Variants in SULF1 observed in about 807,000 individuals in gnomAD.
SULF1 encodes the protein extracellular sulfatase Sulf-1.
A neutral mutation model predicts 110.5 loss-of-function variants in SULF1; 46 were observed. The ratio of observed to expected loss-of-function variants is 0.42; its 90% CI spans 0.33 to 0.53. SULF1 has a LOEUF of 0.53. Among genes scored for constraint, SULF1 ranks in the 20% least tolerant of loss-of-function variants. The pLI is 0.12. For missense variants in SULF1, 941 were observed against 1,094.2 expected, an observed-to-expected ratio of 0.86 and a Z score of 1.98; for synonymous variants, 371 against 387.1, an observed-to-expected ratio of 0.96 and a Z score of 0.49.
At chr8:69,558,791 A>ATTTTATCC (rs1815284983) in intron 3 of SULF1, among the ~76,000 whole-genome samples, 1 of 152,286 alleles carries the variant, frequency 6.6e-6, no homozygotes, top group South Asian at 2.1e-4. Context: ...AAATTTATTG[A>ATTTTATCC]AGACCCTTGC....
In SULF1 at chr8:69,576,130, C is replaced by A; in HGVS notation, c.333C>A (p.Asn111Lys). 1 of 1,614,220 alleles carries A rather than the reference C, an allele frequency of 6.2e-7. No homozygotes were observed. The highest frequency in any genetic ancestry group is 8.5e-7 in the Non-Finnish European group (1 of 1,180,036). The change falls in exon 6 of 23, where the codon AAC (asparagine) becomes AAA (lysine). Residue 111 changes from asparagine (N) to lysine (K), a missense_variant. By Grantham distance (94) the Asn-to-Lys change is moderately conservative. Transcript: ENST00000402687. ...ACAATGTCTACACCAACAACGAGAA[C>A]TGCTCTTCCCCCTCGTGGCAGGCCA... ...HNHNVYTNNE[N>K]CSSPSWQAMH...
At chr8:69,576,287 G>A (rs1487748981) in intron 6 of SULF1, 78 bp downstream of exon 6, 8 of 1,487,316 alleles carry the variant, frequency 5.4e-6, no homozygotes, top group Non-Finnish European at 5.5e-6. Context: ...GTAATGAAAT[G>A]CATGAAGTTC....
At chr8:69,475,491 A>C (rs534298107) in intron 1 of SULF1, among the ~76,000 whole-genome samples, 38 of 152,212 alleles carry the variant, frequency 2.5e-4, no homozygotes, top group African/African-American at 9.1e-4. Flanking sequence ...ATGGTGAAGA[A>C]ATAAATAACA....
chr8:69,656,557 G>C (rs1812749590), intron 22 of SULF1, among the ~76,000 whole-genome samples: 1 of 152,194 alleles, frequency 6.6e-6, no homozygotes, highest in Non-Finnish European at 1.5e-5. Context: ...CCACTTGTAA[G>C]TGAGAACATG....
chr8:69,587,109 C>A (rs1251056684), intron 7 of SULF1, among the ~76,000 whole-genome samples: 3 of 152,162 alleles, frequency 2.0e-5, no homozygotes, highest in African/African-American at 4.8e-5. Flanking sequence ...TCCCATAGTT[C>A]TTTGACCAGT....
chr8:69,484,866 TTCC>T (rs1364749982), intron 1 of SULF1, among the ~76,000 whole-genome samples: 2 of 115,492 alleles, frequency 1.7e-5, no homozygotes, highest in African/African-American at 3.6e-5. Context: ...TCTTCTTTTC[TTCC>T]TCCTCCTCCT....
At position 69,541,677 on chromosome 8, in the gene SULF1, C is replaced by T. The variant is rs564631637; in HGVS notation, c.-133-21862C>T. 5.4e-4 allele frequency among the ~76,000 whole-genome samples: 82 copies of T among 152,296 alleles called. No individual in the cohort carries two copies. The South Asian group carries it at 9.1e-3, about 17-fold the overall frequency. Reference sequence around the variant, plus strand: ...CACAGAAACACAGAACCCTAAAATGCTCACAGGTAGAAAAGCTCAGGAAGA... The same window carrying T: ...CACAGAAACACAGAACCCTAAAATGTTCACAGGTAGAAAAGCTCAGGAAGA... On this transcript the variant is annotated intron_variant, in intron 3 of 22. Transcript: ENST00000402687.
intron 1 of SULF1, among the ~76,000 whole-genome samples, chr8:69,471,998 T>TGAGAGAGAGA (rs3059922): frequency 6.0e-5 from 9 of 149,278 alleles, no homozygotes; most frequent in African/African-American, 1.7e-4. Context: ...GGAGAGAAAG[T>TGAGAGAGAGA]GAGAGAGAGA....
intron 5 of SULF1, among the ~76,000 whole-genome samples, chr8:69,569,478 C>G (rs538900983): frequency 7.9e-5 from 12 of 152,316 alleles, no homozygotes; most frequent in African/African-American, 2.9e-4. Flanking sequence ...CAGCTGCTCT[C>G]GGACACTGGG....
intron 3 of SULF1, among the ~76,000 whole-genome samples, chr8:69,558,581 C>T (rs147833708): frequency 6.6e-6 from 1 of 152,290 alleles, no homozygotes; most frequent in East Asian, 1.9e-4. Context: ...CACTCATCAA[C>T]AACTTTTATC....
At chr8:69,649,243 C>G (rs1012231011) in intron 22 of SULF1, among the ~76,000 whole-genome samples, 1 of 152,160 alleles carries the variant, frequency 6.6e-6, no homozygotes, top group African/African-American at 2.4e-5. Flanking sequence ...ACCCCATTTG[C>G]TTTATTGTTT....
chr8:69,489,917 T>G (rs376368407), upstream of SULF1, among the ~76,000 whole-genome samples: 3 of 152,180 alleles, frequency 2.0e-5, no homozygotes, highest in East Asian at 5.8e-4. Flanking sequence ...TCATTTCCCC[T>G]GGTTTTTAAC....
chr8:69,593,607 C>T (rs1034372577), intron 8 of SULF1, among the ~76,000 whole-genome samples: 3 of 152,132 alleles, frequency 2.0e-5, no homozygotes, highest in African/African-American at 7.2e-5. Context: ...GGCCTGTTAG[C>T]TTTACAAACG....
intron 5 of SULF1, among the ~76,000 whole-genome samples, chr8:69,574,719 G>A (rs370687897): frequency 8.5e-5 from 13 of 152,336 alleles, no homozygotes; most frequent in African/African-American, 2.9e-4. Flanking sequence ...CTCAAGACAT[G>A]TTATTCATTG....
intron 3 of SULF1, among the ~76,000 whole-genome samples, chr8:69,537,994 T>C (rs560897244): frequency 6.6e-6 from 1 of 150,856 alleles, no homozygotes; most frequent in Non-Finnish European, 1.5e-5. Context: ...GGAGTCTCGC[T>C]CTTTCACCCA....
At chr8:69,477,769 G>T (rs1463610953) in intron 1 of SULF1, among the ~76,000 whole-genome samples, 4 of 152,144 alleles carry the variant, frequency 2.6e-5, no homozygotes, top group Non-Finnish European at 5.9e-5. Flanking sequence ...CCTGCATTCT[G>T]CCATTCCCTT....
intron 3 of SULF1, among the ~76,000 whole-genome samples, chr8:69,525,789 C>T (rs1812618196): frequency 1.3e-5 from 2 of 152,138 alleles, no homozygotes; most frequent in Admixed American, 1.3e-4. Context: ...GTTCCACTCT[C>T]AGGGAGCTTA....
chr8:69,555,292 C>G (rs1160124694), intron 3 of SULF1, among the ~76,000 whole-genome samples: 1 of 152,138 alleles, frequency 6.6e-6, no homozygotes, highest in East Asian at 1.9e-4. Flanking sequence ...ACTTGTTTCC[C>G]CACTCTGCTG....
At chr8:69,491,059 G>A (rs534246123), upstream of SULF1, among the ~76,000 whole-genome samples, 21 of 152,220 alleles carry the variant, frequency 1.4e-4, no homozygotes, top group African/African-American at 4.3e-4. Flanking sequence ...AGTAGAGGGG[G>A]GAAAATTCTT....
Sources: gnomAD v4.1 joint callset for allele counts (sites outside exome capture counted in the v4.1 genomes callset) on GRCh38, gnomAD v4.1.1 for gene constraint, MANE v1.5 for transcripts, NCBI Gene and HGNC (gene_info 2026-07-23, HGNC 2026-07-21) for gene names.